PLD5: variants seen among roughly 807,000 people sequenced by gnomAD.
The protein encoded by PLD5 is inactive phospholipase D5.
PLD5 carries 36 observed loss-of-function variants against 61.1 expected under a neutral mutation model. That is an observed-to-expected ratio of 0.59 (90% CI 0.45 to 0.78). The LOEUF (loss-of-function observed/expected upper bound fraction) is 0.78. Among genes scored for constraint, PLD5 ranks in the 30% least tolerant of loss-of-function variants. The probability of loss-of-function intolerance (pLI) is 0.00; values close to 1 mark genes in which losing one functional copy is unlikely to be tolerated. For synonymous variants in PLD5, 243 were observed against 242.8 expected, an observed-to-expected ratio of 1.00 and a Z score of -0.01; for missense variants, 515 against 644.4, an observed-to-expected ratio of 0.80 and a Z score of 2.17.
At chr1:242,302,956 G>C (rs1247919479) in intron 2 of PLD5, among the ~76,000 whole-genome samples, 1 of 152,106 alleles carries the variant, frequency 6.6e-6, no homozygotes, top group East Asian at 1.9e-4. Flanking sequence ...CTGGACATGG[G>C]TTGGGATTCT....
chr1:242,394,776 ATGTGTATATATGTGAATATATATG>A (rs1558527098), intron 1 of PLD5, among the ~76,000 whole-genome samples: 2 of 72,422 alleles, frequency 2.8e-5, no homozygotes, highest in Non-Finnish European at 2.7e-5. Flanking sequence ...GTGAATATAT[ATGTGTATATATGTGAATATATATG>A]TGTATATATG....
In PLD5 at chr1:242,100,744, T is replaced by A; in HGVS notation, c.1278A>T (p.Thr426=). The part of the protein sequence containing the change: ...FDLERENACA[T]KEQKNHTFPR... ...GAAAGGTGTGATTCTTTTGTTCTTT[T>A]GTAGCACAAGCATTCTCTCTTTCCA... Residue 426 remains threonine (T), a synonymous_variant, in exon 9 of 10, where the codon ACA becomes ACT. Transcript: ENST00000536534. 6.2e-7 allele frequency: 1 copy of A among 1,614,052 alleles called. No individual in the cohort carries two copies. The highest frequency in any genetic ancestry group is 1.3e-5 in the African/African-American group (1 of 75,018).
intron 2 of PLD5, chr1:242,345,689 A>G: frequency 2.6e-6 from 2 of 755,120 alleles, no homozygotes; most frequent in Middle Eastern, 2.5e-4. Flanking sequence ...GTGTCCTCAG[A>G]CCCTATCAGG....
intron 1 of PLD5, among the ~76,000 whole-genome samples, chr1:242,404,315 A>G (rs547734428): frequency 4.6e-5 from 7 of 152,198 alleles, no homozygotes; most frequent in Non-Finnish European, 1.5e-5. Flanking sequence ...GTAGATGAAG[A>G]AAGATGGGAA....
chr1:242,367,551 C>T (rs931594217), intron 1 of PLD5, among the ~76,000 whole-genome samples: 1 of 152,218 alleles, frequency 6.6e-6, no homozygotes, highest in Non-Finnish European at 1.5e-5. Context: ...ACTACTAGCA[C>T]ATGAATGCCT....
chr1:242,309,814 A>T (rs186848839), intron 2 of PLD5, among the ~76,000 whole-genome samples: 332 of 150,382 alleles, frequency 2.2e-3, no homozygotes, highest in African/African-American at 7.5e-3. Context: ...TAATTGCTCA[A>T]TATAGATATT....
chr1:242,315,618 C>T (rs1676960935), intron 2 of PLD5, among the ~76,000 whole-genome samples: 1 of 152,064 alleles, frequency 6.6e-6, no homozygotes, highest in Admixed American at 6.6e-5. Context: ...TCCTCAACGG[C>T]AGTTGCCTTG....
intron 1 of PLD5, among the ~76,000 whole-genome samples, chr1:242,494,069 C>CCCTCCCCTCCCCTCCCTTCCCCTCT (rs1668269103): frequency 7.8e-5 from 3 of 38,668 alleles, no homozygotes; most frequent in African/African-American, 2.3e-4. Flanking sequence ...CCCTTCCCTC[C>CCCTCCCCTCCCCTCCCTTCCCCTCT]ACTCCCCTCC....
intron 1 of PLD5, among the ~76,000 whole-genome samples, chr1:242,517,872 C>T (rs1190916889): frequency 6.6e-6 from 1 of 152,110 alleles, no homozygotes; most frequent in African/African-American, 2.4e-5. Context: ...TATCTGGTGA[C>T]TGATGAGTTT....
chr1:242,350,112 G>T (rs1376198709), intron 1 of PLD5, among the ~76,000 whole-genome samples: 1 of 152,096 alleles, frequency 6.6e-6, no homozygotes, highest in Non-Finnish European at 1.5e-5. Context: ...AATACAGCAA[G>T]ATGGCACCAT....
intron 1 of PLD5, among the ~76,000 whole-genome samples, chr1:242,515,653 A>G (rs530554105): frequency 5.3e-5 from 8 of 152,330 alleles, no homozygotes; most frequent in African/African-American, 1.9e-4. Context: ...TCAATGCTCA[A>G]TGTATTACAC....
At chr1:242,224,950 T>G (rs1410164588) in intron 4 of PLD5, among the ~76,000 whole-genome samples, 1 of 152,186 alleles carries the variant, frequency 6.6e-6, no homozygotes, top group Non-Finnish European at 1.5e-5. Flanking sequence ...GTCCCCAGGC[T>G]TCTTTTGCAG....
chr1:242,447,980 ACATT>A (rs1666615117), intron 1 of PLD5, among the ~76,000 whole-genome samples: 1 of 152,230 alleles, frequency 6.6e-6, no homozygotes, highest in African/African-American at 2.4e-5. Flanking sequence ...TTCAGGCAAA[ACATT>A]CCGAAGCACT....
intron 5 of PLD5, among the ~76,000 whole-genome samples, chr1:242,125,425 A>G (rs1290624557): frequency 6.6e-6 from 1 of 152,128 alleles, no homozygotes; most frequent in Non-Finnish European, 1.5e-5. Context: ...TACTAGCCCC[A>G]AGTTAGAGAT....
At position 242,317,963 on chromosome 1, in the gene PLD5, G is replaced by C. The variant is rs1558459076; in HGVS notation, c.327-29433C>G. On this transcript the variant is annotated intron_variant, in intron 2 of 9. Transcript: ENST00000536534. ...TCTGAATGCTACTGTTCATGGGACT[G>C]CAGTTCTGGGAACTTAGTACTGGGT... 5.9e-5 allele frequency among the ~76,000 whole-genome samples: 9 copies of C among 152,276 alleles called. No individual in the cohort carries two copies. The South Asian group carries it at 1.9e-3, about 32-fold the overall frequency.
chr1:242,146,058 A>G (rs1257368878), intron 5 of PLD5, among the ~76,000 whole-genome samples: 1 of 152,206 alleles, frequency 6.6e-6, no homozygotes, highest in African/African-American at 2.4e-5. Context: ...GGGGTCAGAG[A>G]TGGAAAGTGG....
chr1:242,321,309 CT>C (rs1338641030), intron 2 of PLD5, among the ~76,000 whole-genome samples: 6,147 of 143,978 alleles, frequency 0.043, 369 homozygotes, highest in African/African-American at 0.14. Context: ...CTCTCTCTCT[CT>C]TTTTTTTTTT....
intron 1 of PLD5, among the ~76,000 whole-genome samples, chr1:242,510,924 G>C (rs1189599094): frequency 6.6e-6 from 1 of 152,154 alleles, no homozygotes; most frequent in Non-Finnish European, 1.5e-5. Context: ...TATATTAAAT[G>C]ACTATGTATT....
chr1:242,215,416 C>A (rs75621054), intron 5 of PLD5, among the ~76,000 whole-genome samples: 2,019 of 152,074 alleles, frequency 0.013, 17 homozygotes, highest in Non-Finnish European at 0.02. Context: ...TGGGTAAAGA[C>A]CCGGCAACAC....
Sources: allele counts gnomAD v4.1 joint callset (sites outside exome capture counted in the v4.1 genomes callset), GRCh38; gene constraint gnomAD v4.1.1; transcripts MANE v1.5; gene names NCBI Gene and HGNC (gene_info 2026-07-23, HGNC 2026-07-21).